Variants in SNX10 observed in about 807,000 individuals in gnomAD.
The protein encoded by SNX10 is sorting nexin-10.
SNX10 carries 25 observed loss-of-function variants against 28.5 expected under a neutral mutation model. The ratio of observed to expected loss-of-function variants is 0.88; its 90% CI spans 0.64 to 1.22. The LOEUF is 1.22. Among genes scored for constraint, SNX10 ranks in the 50% most tolerant of loss-of-function variants. The pLI is 0.00. For missense variants in SNX10, 223 were observed against 242.6 expected (o/e 0.92, Z 0.54); for synonymous variants, 62 against 81.4 (o/e 0.76, Z 1.28).
intron 1 of SNX10, among the ~76,000 whole-genome samples, chr7:26,300,293 G>A (rs562782874): frequency 6.6e-6 from 1 of 151,576 alleles, no homozygotes; most frequent in South Asian, 2.1e-4. Context: ...GTGTCTTGCT[G>A]TGTTGCCCAG....
intron 1 of SNX10, among the ~76,000 whole-genome samples, chr7:26,302,927 C>CAA (rs1786433206): frequency 6.6e-6 from 1 of 152,032 alleles, no homozygotes; most frequent in Non-Finnish European, 1.5e-5. Flanking sequence ...GCCTGGGCGA[C>CAA]AGAGTGAGAC....
At chr7:26,302,989 T>A (rs1481923072) in intron 1 of SNX10, among the ~76,000 whole-genome samples, 1 of 152,086 alleles carries the variant, frequency 6.6e-6, no homozygotes, top group Non-Finnish European at 1.5e-5. Context: ...TTTCTGATGG[T>A]CTCAGAAATG....
intron 1 of SNX10, among the ~76,000 whole-genome samples, chr7:26,323,605 T>A (rs1189320922): frequency 6.6e-6 from 1 of 152,100 alleles, no homozygotes; most frequent in Non-Finnish European, 1.5e-5. Flanking sequence ...GGCAAGGGAT[T>A]TACCGTTTAT....
In SNX10 at chr7:26,346,542, A is replaced by G. The variant is rs1439878227; in HGVS notation, c.24+76A>G. The G allele has an allele frequency of 8.1e-6, 9 of 1,114,364 alleles. No individual in the cohort carries two copies. The East Asian group carries it at 9.4e-5, about 12-fold the overall frequency. The allele number at this position is 1,114,364 out of a possible 1,614,324, so 69.0% of individuals were successfully genotyped here. ...CAGGTTAGTTCTTCATTTGCGAACC[A>G]TAAACCCATGGGTTGCTTGAGGAGG... On this transcript the variant is annotated intron_variant, in intron 2 of 6. Coordinates refer to ENST00000338523, the MANE Select transcript of SNX10 (RefSeq NM_013322.3).
intron 2 of SNX10, among the ~76,000 whole-genome samples, chr7:26,350,130 G>C (rs1186262051): frequency 6.6e-6 from 1 of 152,232 alleles, no homozygotes; most frequent in Non-Finnish European, 1.5e-5. Flanking sequence ...TCTACTTTTA[G>C]AGATTCATCC....
intron 2 of SNX10, among the ~76,000 whole-genome samples, chr7:26,350,368 C>T (rs1219804006): frequency 1.3e-5 from 2 of 152,076 alleles, no homozygotes; most frequent in African/African-American, 2.4e-5. Context: ...GGAGAGCCGG[C>T]AGGGAGGGAT....
At chr7:26,301,007 A>G (rs1215819874) in intron 1 of SNX10, among the ~76,000 whole-genome samples, 2 of 101,278 alleles carry the variant, frequency 2.0e-5, no homozygotes, top group Non-Finnish European at 3.6e-5. Flanking sequence ...TGACAGAGTG[A>G]TACTCTGTCT....
At chr7:26,332,300 TA>T (rs1787777105) in intron 1 of SNX10, among the ~76,000 whole-genome samples, 1 of 152,222 alleles carries the variant, frequency 6.6e-6, no homozygotes, top group Non-Finnish European at 1.5e-5. Context: ...AGTGGTATCT[TA>T]CCATGGTTTA....
chr7:26,299,264 C>T (rs529416691), intron 1 of SNX10, among the ~76,000 whole-genome samples: 4 of 152,062 alleles, frequency 2.6e-5, no homozygotes, highest in South Asian at 2.1e-4. Context: ...GGTGCGATCT[C>T]GGCTCACTGC....
chr7:26,319,103 A>G (rs905599121), intron 1 of SNX10, among the ~76,000 whole-genome samples: 4 of 152,196 alleles, frequency 2.6e-5, no homozygotes, highest in Admixed American at 1.3e-4. Flanking sequence ...CTGTGTCAAG[A>G]GATTTATTGT....
intron 1 of SNX10, among the ~76,000 whole-genome samples, chr7:26,297,119 C>T (rs954444229): frequency 3.0e-4 from 45 of 150,904 alleles, no homozygotes; most frequent in African/African-American, 8.5e-4. Flanking sequence ...TGTTTTGAGA[C>T]GGAGTCTCGC....
At chr7:26,334,469 G>A (rs1422662750) in intron 1 of SNX10, among the ~76,000 whole-genome samples, 2 of 152,092 alleles carry the variant, frequency 1.3e-5, no homozygotes, top group African/African-American at 4.8e-5. Context: ...TGGAGGTCAG[G>A]GCCAACATGC....
chr7:26,357,942 G>T (rs530763090), intron 2 of SNX10, among the ~76,000 whole-genome samples: 1 of 152,176 alleles, frequency 6.6e-6, no homozygotes, highest in African/African-American at 2.4e-5. Flanking sequence ...AGCTTTGGGT[G>T]GGGTCCATCA....
At chr7:26,335,116 C>G (rs571977611) in intron 1 of SNX10, among the ~76,000 whole-genome samples, 1 of 152,204 alleles carries the variant, frequency 6.6e-6, no homozygotes, top group South Asian at 2.1e-4. Flanking sequence ...ATGCTGGACA[C>G]GGAAGCCACT....
At chr7:26,355,570 T>C (rs1049323237) in intron 2 of SNX10, among the ~76,000 whole-genome samples, 1 of 152,218 alleles carries the variant, frequency 6.6e-6, no homozygotes, top group African/African-American at 2.4e-5. Flanking sequence ...ACATTTAATA[T>C]GCACTTACTA....
In SNX10 at chr7:26,365,028, G is replaced by T. The variant is rs1417846079; in HGVS notation, c.213-19G>T. 1 of 1,514,784 alleles carries T rather than the reference G, an allele frequency of 6.6e-7. No individual in the cohort carries two copies. The allele number at this position is 1,514,784 out of a possible 1,614,324, so 93.8% of individuals were successfully genotyped here. On this transcript the variant is annotated intron_variant, in intron 4 of 6. Transcript: ENST00000338523. ...CTTGAGTTAATCATTTAAAAACATT[G>T]TTTTTTCTTTCTCCTAAGACAACTG...
intron 1 of SNX10, among the ~76,000 whole-genome samples, chr7:26,324,079 CAA>C (rs1333946501): frequency 1.3e-5 from 2 of 152,132 alleles, no homozygotes; most frequent in African/African-American, 4.8e-5. Context: ...AGGTACCTCA[CAA>C]ATACACTTTC....
At chr7:26,299,413 G>A (rs867304490) in intron 1 of SNX10, among the ~76,000 whole-genome samples, 3 of 151,360 alleles carry the variant, frequency 2.0e-5, no homozygotes, top group African/African-American at 4.8e-5. Context: ...TCAGGCTGGT[G>A]GACCTTGTGA....
chr7:26,335,735 C>CTTTTTTTTTTTTTTTTTTTTTTTTTT (rs57340085), intron 1 of SNX10, among the ~76,000 whole-genome samples: 1 of 84,254 alleles, frequency 1.2e-5, no homozygotes, highest in Non-Finnish European at 2.3e-5. Flanking sequence ...ATGGAATATT[C>CTTTTTTTTTTTTTTTTTTTTTTTTTT]TTTTTTTTTT....
Sources: allele counts gnomAD v4.1 joint callset (sites outside exome capture counted in the v4.1 genomes callset), GRCh38; gene constraint gnomAD v4.1.1; transcripts MANE v1.5; gene names NCBI Gene and HGNC (gene_info 2026-07-23, HGNC 2026-07-21).